ACTR8: variants seen among roughly 807,000 people sequenced by gnomAD.
ACTR8 encodes actin related protein 8.
A neutral mutation model predicts 84.3 loss-of-function variants in ACTR8; 70 were observed. The observed-to-expected ratio is 0.83, with a 90% CI of 0.68 to 1.01. The LOEUF (loss-of-function observed/expected upper bound fraction) is 1.01, where lower values mean the gene tolerates loss of function less well. Ranked by LOEUF, ACTR8 falls within the 50% of genes least tolerant of loss-of-function variation. The pLI is 0.00. For synonymous variants in ACTR8, 268 were observed against 275.2 expected (o/e 0.97, Z 0.26); for missense variants, 672 against 775.4 (o/e 0.87, Z 1.58).
At chr3:53,860,236 T>A in the ACTR8 span, 1 of 1,595,318 alleles carries the variant, frequency 6.3e-7, no homozygotes, top group Non-Finnish European at 8.6e-7. Context: ...ACGGTAAGGG[T>A]TATAATTCTT....
downstream of ACTR8, chr3:53,864,745 G>A (rs369279289): frequency 5.0e-6 from 8 of 1,598,092 alleles, no homozygotes; most frequent in South Asian, 7.8e-5. Context: ...TCCTCTCACA[G>A]AAAGGATCAA....
intron 12 of ACTR8, among the ~76,000 whole-genome samples, chr3:53,869,456 G>A (rs1699850716): frequency 1.3e-5 from 2 of 152,200 alleles, no homozygotes; most frequent in South Asian, 4.1e-4. Flanking sequence ...CGCAGTTTGA[G>A]TGGAATAAAT....
At chr3:53,869,835 A>G (rs1033008608) in intron 12 of ACTR8, 147 bp downstream of exon 12, 3 of 928,740 alleles carry the variant, frequency 3.2e-6, no homozygotes, top group Non-Finnish European at 4.7e-6. Context: ...CACCACATCT[A>G]TGGCTTGCTG....
Position 53,868,770 on chromosome 3 carries a change from C to G in ACTR8, c.1824G>C (p.Trp608Cys). 1 of 1,614,212 alleles carries G rather than the reference C, an allele frequency of 6.2e-7. No homozygotes were observed. Among genetic ancestry groups the G allele is most frequent in the South Asian group, 1.1e-5 (1 of 91,080 alleles). ...GTAACATGCGGACACCAAAGCGCTG[C>G]CACTCTCGCTGATAAATCCACAGTT... ...TQELWIYQRE[W>C]QRFGVRMLRE... The change falls in exon 13 of 13, where the codon TGG (tryptophan) becomes TGC (cysteine). Residue 608 changes from tryptophan to cysteine, a missense_variant. By Grantham distance (215) the Trp-to-Cys change is radical. Transcript: ENST00000335754.
chr3:53,877,718 T>C lies in ACTR8; in HGVS notation c.439A>G (p.Ile147Val). 6.2e-7 allele frequency: 1 copy of C among 1,614,128 alleles called. No individual in the cohort carries two copies. Among genetic ancestry groups the C allele is most frequent in the Non-Finnish European group, 8.5e-7 (1 of 1,179,992 alleles). Residue 147 changes from isoleucine (I) to valine (V), a missense_variant, in exon 4 of 13, where the codon ATT (isoleucine) becomes GTT (valine). Coordinates refer to ENST00000335754, the MANE Select transcript of ACTR8 (RefSeq NM_022899.5). ...TTATTTCCCGAACAGTGATCTAAAATTGCAGGTCGCATCTGCTTATTGTAG... is the reference window on the plus strand; with the variant it reads ...TTATTTCCCGAACAGTGATCTAAAACTGCAGGTCGCATCTGCTTATTGTAG... ...RSYNKQMRPA[I>V]LDHCSGNKWT...
rs1699992012 is a variant in ACTR8, at chr3:53,877,383, A to G, written c.515T>C (p.Leu172Ser). Residue 172 changes from leucine to serine, a missense_variant, in exon 5 of 13, where the codon TTG becomes TCG. Physicochemically the swap from Leu to Ser is moderately radical, Grantham distance 145 (BLOSUM62 -2). Transcript: ENST00000335754. ...GTAACAGTCCAGTGGATTAACATACAAGGCCTAGAAAAGGAGGAGGGAGAT... is the reference window on the plus strand; with the variant it reads ...GTAACAGTCCAGTGGATTAACATACGAGGCCTAGAAAAGGAGGAGGGAGAT... ...HPEYLVGEEA[L>S]YVNPLDCYNI... 1 of 1,592,688 alleles carries G rather than the reference A, an allele frequency of 6.3e-7. No individual in the cohort carries two copies. The highest frequency in any genetic ancestry group is 1.1e-5 in the South Asian group (1 of 87,076).
At position 53,870,090 on chromosome 3, in the gene ACTR8, A is replaced by G. The variant is rs1235636436; in HGVS notation, c.1623T>C (p.Gly541=). 4.3e-6 allele frequency: 7 copies of G among 1,614,058 alleles called. No individual in the cohort carries two copies. Among genetic ancestry groups the G allele is most frequent in the African/African-American group, 1.3e-5 (1 of 74,906 alleles). ...MYSSILVVGG[G]LMFHKAQEFL... ...ATTCTTGAGCTTTATGAAACATCAAACCACCTCCCACCACTAGGATGGAGC... is the reference window on the plus strand; with the variant it reads ...ATTCTTGAGCTTTATGAAACATCAAGCCACCTCCCACCACTAGGATGGAGC... Residue 541 remains glycine, a synonymous_variant, in exon 12 of 13, where the codon GGT becomes GGC. Transcript: ENST00000335754. The surrounding 1 kb of genome is among the most constrained non-coding windows in gnomAD (Gnocchi z 4.1).
chr3:53,867,031 A>G (rs1055603151), downstream of ACTR8: 1 of 152,246 alleles, frequency 6.6e-6, no homozygotes, highest in Non-Finnish European at 1.5e-5. Context: ...GTCCAGCTTT[A>G]CAAGTGGACG....
downstream of ACTR8, chr3:53,864,764 C>T (rs563112234): frequency 4.5e-5 from 72 of 1,608,744 alleles, 2 homozygotes; most frequent in South Asian, 7.4e-4. Flanking sequence ...AAGAAGACTT[C>T]CTTTTCTACC....
At chr3:53,873,516 C>G (rs955539756) in intron 8 of ACTR8, among the ~76,000 whole-genome samples, 7 of 152,172 alleles carry the variant, frequency 4.6e-5, no homozygotes, top group African/African-American at 1.7e-4. Flanking sequence ...CCATATATAG[C>G]AATGATTAAA....
chr3:53,870,148 GAA>G lies in ACTR8; in HGVS notation c.1568-5_1568-4del. On this transcript the variant is annotated splice_region_variant and splice_polypyrimidine_tract_variant and intron_variant, in intron 11 of 12. Coordinates refer to ENST00000335754, the MANE Select transcript of ACTR8 (RefSeq NM_022899.5). The surrounding 1 kb of genome is among the most constrained non-coding windows in gnomAD (Gnocchi z 4.1). ...CTTCTTTTTGGTGTCGTCAGATGCT[GAA>G]AAGACAGTTGACATCCTCCATGCTT... is the stretch of plus-strand genomic sequence containing the variant. 5.0e-6 allele frequency: 8 copies of G among 1,611,070 alleles called. No homozygotes were observed. The highest frequency in any genetic ancestry group is 5.1e-6 in the Non-Finnish European group (6 of 1,177,496).
At chr3:53,862,878 TATG>T (rs1416568284), downstream of ACTR8, among the ~76,000 whole-genome samples, 1 of 152,084 alleles carries the variant, frequency 6.6e-6, no homozygotes, top group African/African-American at 2.4e-5. Context: ...AGCCAGAAAT[TATG>T]ATGTCTTTCT....
At position 53,875,900 on chromosome 3, in the gene ACTR8, A is replaced by G. The variant is rs181045259; in HGVS notation, c.911+48T>C. The G allele has an allele frequency of 3.8e-4, 607 of 1,612,420 alleles. 1 individual carries two copies. The African/African-American group carries it at 7.5e-3, about 20-fold the overall frequency. The stretch of plus-strand genomic sequence containing the variant: ...TTTCTTATTATTTACGGTTGAACAG[A>G]TTATGAGGGAAGAGGAAACAGGGAA... On this transcript the variant is annotated intron_variant, in intron 7 of 12. Coordinates refer to ENST00000335754, the MANE Select transcript of ACTR8 (RefSeq NM_022899.5).
chr3:53,880,236 C>A (rs1010461481), intron 1 of ACTR8, 127 bp from the exon 2 acceptor site: 7 of 982,644 alleles, frequency 7.1e-6, no homozygotes, highest in Non-Finnish European at 9.0e-6. Flanking sequence ...CAATAAAGTT[C>A]TTTGAGAAGT....
At chr3:53,878,209 G>A (rs957008811) in intron 3 of ACTR8, 148 bp downstream of exon 3, 21 of 681,898 alleles carry the variant, frequency 3.1e-5, no homozygotes, top group Middle Eastern at 3.0e-4. Flanking sequence ...ACACTGACTC[G>A]GGTATTCTTT....
intron 10 of ACTR8, among the ~76,000 whole-genome samples, chr3:53,872,179 T>G (rs1329196491): frequency 6.6e-6 from 1 of 152,260 alleles, no homozygotes; most frequent in African/African-American, 2.4e-5. Flanking sequence ...ATGTATGGAC[T>G]AGCATTCAGA....
At chr3:53,876,119 G>T (rs371818984) in intron 6 of ACTR8, 39 bp from the exon 7 acceptor site, 72 of 1,609,742 alleles carry the variant, frequency 4.5e-5, no homozygotes, top group Non-Finnish European at 5.5e-5. Flanking sequence ...GTCATTAGCT[G>T]TAGCACGGTA....
intron 6 of ACTR8, 148 bp from the exon 7 acceptor site, chr3:53,876,228 AAGTC>A (rs1365960563): frequency 9.4e-7 from 1 of 1,065,486 alleles, no homozygotes; most frequent in Non-Finnish European, 1.3e-6. Flanking sequence ...GCATTTAAAT[AAGTC>A]AGTAGGCCCG....
At position 53,877,727 on chromosome 3, in the gene ACTR8, G is replaced by C; in HGVS notation, c.430C>G (p.Arg144Gly). ...EQARSYNKQM[R>G]PAILDHCSGN... ...GAACAGTGATCTAAAATTGCAGGTC[G>C]CATCTGCTTATTGTAGGAGCGTGCC... is the stretch of plus-strand genomic sequence containing the variant. Residue 144 changes from arginine to glycine, a missense_variant, in exon 4 of 13, where the codon CGA becomes GGA. Transcript: ENST00000335754. 1 of 1,613,944 alleles carries C rather than the reference G, an allele frequency of 6.2e-7. No homozygotes were observed. The highest frequency in any genetic ancestry group is 8.5e-7 in the Non-Finnish European group (1 of 1,179,924).
Sources: allele counts gnomAD v4.1 joint callset (sites outside exome capture counted in the v4.1 genomes callset), GRCh38; gene constraint gnomAD v4.1.1; non-coding constraint Gnocchi (gnomAD v3.1); transcripts MANE v1.5; gene names NCBI Gene and HGNC (gene_info 2026-07-23, HGNC 2026-07-21).